The following AFDN variants were observed in gnomAD, a reference collection of about 807,000 sequenced individuals.
The protein encoded by AFDN is afadin.
AFDN carries 68 observed loss-of-function variants against 216.6 expected under a neutral mutation model. That is an observed-to-expected ratio of 0.31 (90% CI 0.26 to 0.38). The LOEUF (loss-of-function observed/expected upper bound fraction) is 0.38. Ranked by LOEUF, AFDN falls within the 10% of genes least tolerant of loss-of-function variation. The pLI, the probability that AFDN is intolerant of heterozygous loss-of-function variation, is 1.00. For missense variants in AFDN, 2,136 were observed against 2,342.0 expected, an observed-to-expected ratio of 0.91 and a Z score of 1.82; for synonymous variants, 868 against 853.7, an observed-to-expected ratio of 1.02 and a Z score of -0.29.
chr6:167,884,134 T>C (rs1786490570), intron 6 of AFDN, among the ~76,000 whole-genome samples: 1 of 152,128 alleles, frequency 6.6e-6, no homozygotes, highest in South Asian at 2.1e-4. Flanking sequence ...GCTTTTATCA[T>C]GAGATTGCAG....
chr6:167,947,309 G>A (rs1014753032), intron 27 of AFDN, among the ~76,000 whole-genome samples: 10 of 151,958 alleles, frequency 6.6e-5, no homozygotes, highest in South Asian at 6.2e-4. Context: ...CTTCCCGAGT[G>A]GCTGGGACTA....
chr6:167,936,287 G>C (rs2128587877), intron 23 of AFDN, among the ~76,000 whole-genome samples: 1 of 152,264 alleles, frequency 6.6e-6, no homozygotes, highest in South Asian at 2.1e-4. Context: ...TTCTGTGATT[G>C]TTTTTGGTTG....
At chr6:167,942,059 C>CGTTTT (rs751673544) in intron 23 of AFDN, among the ~76,000 whole-genome samples, 2 of 152,008 alleles carry the variant, frequency 1.3e-5, no homozygotes, top group Non-Finnish European at 2.9e-5. Context: ...CTGCTACAGG[C>CGTTTT]GTTTTGTTTT....
intron 7 of AFDN, among the ~76,000 whole-genome samples, chr6:167,890,161 TATGGA>T (rs1787381222): frequency 6.6e-6 from 1 of 152,222 alleles, no homozygotes; most frequent in Admixed American, 6.5e-5. Flanking sequence ...ATCGTGTCAA[TATGGA>T]ATGTAGATTG....
chr6:167,862,144 T>G (rs1021704267), intron 1 of AFDN, among the ~76,000 whole-genome samples: 1 of 152,090 alleles, frequency 6.6e-6, no homozygotes, highest in Non-Finnish European at 1.5e-5. Flanking sequence ...TAAAGTGCCA[T>G]TTTAGGAGTC....
intron 22 of AFDN, among the ~76,000 whole-genome samples, chr6:167,924,222 T>C (rs1371151287): frequency 6.6e-6 from 1 of 152,206 alleles, no homozygotes; most frequent in East Asian, 1.9e-4. Flanking sequence ...CTTGGCAAGG[T>C]ACCTTCCTGC....
intron 28 of AFDN, 66 bp from the exon 29 acceptor site, chr6:167,948,227 A>G (rs761908236): frequency 7.2e-6 from 10 of 1,380,080 alleles, no homozygotes; most frequent in Admixed American, 6.8e-5. Context: ...AAAACAGATC[A>G]TTGAAAATCA....
chr6:167,915,274 T>C lies in AFDN; in HGVS notation c.2406T>C (p.Asn802=). 1 of 1,614,206 alleles carries C rather than the reference T, an allele frequency of 6.2e-7. No homozygotes were observed. Among genetic ancestry groups the C allele is most frequent in the Non-Finnish European group, 8.5e-7 (1 of 1,180,032 alleles). Residue 802 remains asparagine, a synonymous_variant, in exon 19 of 34, where the codon AAT becomes AAC. Coordinates refer to ENST00000683244, the MANE Select transcript of AFDN (RefSeq NM_001386888.1). ...TCTCTCAGCTCTTCCACTTCATCAATATGTGGCTGTTCAATAGATTGGTGA... is the reference window on the plus strand; with the variant it reads ...TCTCTCAGCTCTTCCACTTCATCAACATGTGGCTGTTCAATAGATTGGTGA... ...QLFSQLFHFI[N]MWLFNRLVTD...
At chr6:167,947,657 G>A (rs1009274653) in intron 27 of AFDN, among the ~76,000 whole-genome samples, 196 bp from the exon 28 acceptor site, 1 of 151,834 alleles carries the variant, frequency 6.6e-6, no homozygotes, top group Non-Finnish European at 1.5e-5. Flanking sequence ...TGTAGCTCTG[G>A]GCTCTGATTA....
At chr6:167,847,994 C>T (rs148497593) in intron 1 of AFDN, among the ~76,000 whole-genome samples, 2 of 152,124 alleles carry the variant, frequency 1.3e-5, no homozygotes, top group Non-Finnish European at 2.9e-5. Context: ...CAGGATTCTG[C>T]CTGGGATCTT....
intron 1 of AFDN, among the ~76,000 whole-genome samples, chr6:167,858,173 G>T (rs1473713865): frequency 6.6e-6 from 1 of 152,128 alleles, no homozygotes; most frequent in East Asian, 1.9e-4. Flanking sequence ...TCTAATTCCA[G>T]TGAAGTCCAG....
chr6:167,841,726 C>T (rs998203728), intron 1 of AFDN, among the ~76,000 whole-genome samples: 1 of 152,054 alleles, frequency 6.6e-6, no homozygotes, highest in African/African-American at 2.4e-5. Flanking sequence ...CATAATATAT[C>T]AGTTAGAGTG....
chr6:167,851,889 A>G (rs1782350410), intron 1 of AFDN, among the ~76,000 whole-genome samples: 1 of 152,224 alleles, frequency 6.6e-6, no homozygotes, highest in Non-Finnish European at 1.5e-5. Context: ...TAAAAAAAAC[A>G]GGTTTACTTT....
At chr6:167,917,779 A>G (rs1380144868) in intron 20 of AFDN, among the ~76,000 whole-genome samples, 1 of 152,246 alleles carries the variant, frequency 6.6e-6, no homozygotes, top group African/African-American at 2.4e-5. Context: ...GTTTATGCTA[A>G]CAAGACATGC....
intron 1 of AFDN, among the ~76,000 whole-genome samples, chr6:167,842,639 A>T (rs999139406): frequency 6.6e-6 from 1 of 152,064 alleles, no homozygotes; most frequent in Non-Finnish European, 1.5e-5. Flanking sequence ...CCTCTCCTCC[A>T]CTAGGATGTA....
rs1460312215 is a variant in AFDN, at chr6:167,898,407, C to G, written c.1520C>G (p.Ala507Gly). The change falls in exon 11 of 34, where the codon GCT becomes GGT. Residue 507 changes from alanine (A) to glycine (G), a missense_variant. Physicochemically the swap from Ala to Gly is moderately conservative, Grantham distance 60. Transcript: ENST00000683244. ...TTTGTGGACCCCAGTCAGGATCATG[C>G]TCTTGCAAAAAGATCTGTGGATGGA... ...FKFVDPSQDH[A>G]LAKRSVDGGL... 1 of 1,614,192 alleles carries G rather than the reference C, an allele frequency of 6.2e-7. No homozygotes were observed. The highest frequency in any genetic ancestry group is 2.2e-5 in the East Asian group (1 of 44,880).
At chr6:167,887,138 A>G (rs1322895568) in intron 6 of AFDN, among the ~76,000 whole-genome samples, 1 of 152,064 alleles carries the variant, frequency 6.6e-6, no homozygotes, top group Non-Finnish European at 1.5e-5. Flanking sequence ...AAACTGTTCT[A>G]TAAAATTGCA....
At chr6:167,849,938 C>T (rs537069494) in intron 1 of AFDN, among the ~76,000 whole-genome samples, 2 of 152,176 alleles carry the variant, frequency 1.3e-5, no homozygotes, top group Admixed American at 6.5e-5. Flanking sequence ...GACCTCCTTT[C>T]AGAAGTCCGT....
chr6:167,891,515 A>G (rs1787609956), intron 8 of AFDN, among the ~76,000 whole-genome samples: 1 of 151,582 alleles, frequency 6.6e-6, no homozygotes, highest in South Asian at 2.1e-4. Context: ...TATCTAAGAA[A>G]CCCATCTTAG....
Sources: gnomAD v4.1 joint callset for allele counts (sites outside exome capture counted in the v4.1 genomes callset) on GRCh38, gnomAD v4.1.1 for gene constraint, MANE v1.5 for transcripts, NCBI Gene and HGNC (gene_info 2026-07-23, HGNC 2026-07-21) for gene names.